The following NELL2 variants were observed in gnomAD, a reference collection of about 807,000 sequenced individuals.
The protein encoded by NELL2 is protein kinase C-binding protein NELL2.
NELL2 carries 41 observed loss-of-function variants against 109.6 expected under a neutral mutation model. That is an observed-to-expected ratio of 0.37 (90% CI 0.29 to 0.49). NELL2 has a LOEUF of 0.49. NELL2 is among the 20% of genes least tolerant of loss of function. The pLI is 0.98. For missense variants in NELL2, 900 were observed against 1,008.3 expected (o/e 0.89, Z 1.45); for synonymous variants, 355 against 344.7 (o/e 1.03, Z -0.33).
chr12:44,622,975 G>A lies in NELL2; in HGVS notation c.1445-12005C>T, dbSNP rs74908099. ...TATCTTTTGTGCAGTTTTATTTCAT[G>A]CTTCTGTGTTTATTGTGTTTCAGAC... On this transcript the variant is annotated intron_variant, in intron 13 of 19. Transcript: ENST00000429094. Among the ~76,000 whole-genome samples the A allele has an allele frequency of 5.9e-3, 905 of 152,144 alleles. 6 individuals are homozygous for A. The highest frequency in any genetic ancestry group is 9.4e-3 in the Non-Finnish European group (642 of 67,968).
At chr12:44,767,685 T>C (rs904294049) in intron 9 of NELL2, among the ~76,000 whole-genome samples, 1 of 152,170 alleles carries the variant, frequency 6.6e-6, no homozygotes, top group Non-Finnish European at 1.5e-5. Flanking sequence ...TGGGATAATA[T>C]GCAACTATTT....
chr12:44,738,042 C>G lies in NELL2; in HGVS notation c.995-23301G>C, dbSNP rs1007593315. ...ATGAAGTTCTAATTTACTCTGATTC[C>G]TTTGAGAAGCCCTCCCTGATTTCCC... On this transcript the variant is annotated intron_variant, in intron 9 of 19. Transcript: ENST00000429094. 3.5e-4 allele frequency among the ~76,000 whole-genome samples: 53 copies of G among 152,146 alleles called. 1 individual carries two copies. Among genetic ancestry groups the G allele is most frequent in the Non-Finnish European group, 1.0e-4 (7 of 68,000 alleles).
chr12:44,576,871 G>A (rs1944107060), intron 15 of NELL2, among the ~76,000 whole-genome samples: 1 of 150,250 alleles, frequency 6.7e-6, no homozygotes, highest in Non-Finnish European at 1.5e-5. Context: ...CAAAGGACAT[G>A]AACTCATCAT....
chr12:44,634,861 G>A (rs1162912432), intron 13 of NELL2, among the ~76,000 whole-genome samples: 1 of 151,978 alleles, frequency 6.6e-6, no homozygotes, highest in African/African-American at 2.4e-5. Context: ...TTATGGGTGA[G>A]AACATGCAGT....
intron 12 of NELL2, among the ~76,000 whole-genome samples, chr12:44,695,430 G>T (rs1453771877): frequency 6.6e-6 from 1 of 152,050 alleles, no homozygotes; most frequent in Non-Finnish European, 1.5e-5. Context: ...GGGCATACTG[G>T]CTCATGCCTG....
chr12:44,915,133 G>T, upstream of NELL2, among the ~76,000 whole-genome samples: 1 of 152,168 alleles, frequency 6.6e-6, no homozygotes, highest in East Asian at 1.9e-4. Context: ...TTACTGGCGT[G>T]AGCCACCGCG....
At chr12:44,808,633 T>C (rs1169734427) in intron 3 of NELL2, among the ~76,000 whole-genome samples, 1 of 152,028 alleles carries the variant, frequency 6.6e-6, no homozygotes, top group Non-Finnish European at 1.5e-5. Context: ...ATGAGTTTAG[T>C]AGCTTTTATG....
intron 15 of NELL2, among the ~76,000 whole-genome samples, chr12:44,581,917 A>T (rs1189441785): frequency 3.3e-5 from 5 of 152,234 alleles, no homozygotes. Flanking sequence ...AATTTTAAAA[A>T]TTCAAGTCAA....
chr12:44,780,691 A>G (rs1941926116), intron 3 of NELL2, among the ~76,000 whole-genome samples: 1 of 152,088 alleles, frequency 6.6e-6, no homozygotes, highest in South Asian at 2.1e-4. Flanking sequence ...GATAGTATCA[A>G]AGGAAGCCTA....
At chr12:44,531,685 T>C (rs1413058427) in intron 16 of NELL2, among the ~76,000 whole-genome samples, 1 of 152,230 alleles carries the variant, frequency 6.6e-6, no homozygotes, top group Non-Finnish European at 1.5e-5. Context: ...AAACATCTTA[T>C]CATTTAGGTG....
intron 1 of NELL2, among the ~76,000 whole-genome samples, chr12:44,920,639 C>A (rs1278210372): frequency 6.6e-6 from 1 of 152,148 alleles, no homozygotes; most frequent in Non-Finnish European, 1.5e-5. Context: ...ATGCACATAT[C>A]ACATAATAAA....
chr12:44,753,739 A>G (rs918173059), intron 9 of NELL2, among the ~76,000 whole-genome samples: 1 of 152,256 alleles, frequency 6.6e-6, no homozygotes, highest in Non-Finnish European at 1.5e-5. Context: ...GTACATAGAA[A>G]GCATTCTGTA....
In NELL2 at chr12:44,774,649, AT is replaced by A. The variant is rs888260429; in HGVS notation, c.994+97del. ...CTTTATTCCATCACTTCTGAAAGCT[AT>A]TTAGCTTGCCCAGATTAAACCAATG... On this transcript the variant is annotated intron_variant, in intron 9 of 19. Coordinates refer to ENST00000429094, the MANE Select transcript of NELL2 (RefSeq NM_001145108.2). The A allele has an allele frequency of 1.5e-5, 14 of 939,900 alleles. No homozygotes were observed. The African/African-American group carries it at 2.1e-4, about 14-fold the overall frequency. 58.2% of individuals were successfully genotyped at this position (939,900 alleles called of 1,614,324 possible). A position where few individuals can be genotyped will look rare whatever the true frequency, so the allele number is the denominator to read the frequency against.
At chr12:44,563,381 T>G (rs1665009438) in intron 15 of NELL2, among the ~76,000 whole-genome samples, 1 of 152,118 alleles carries the variant, frequency 6.6e-6, no homozygotes, top group African/African-American at 2.4e-5. Flanking sequence ...ATTTTTTTTC[T>G]TTTTCTCTTG....
chr12:44,685,135 G>C (rs1948670289), intron 12 of NELL2, among the ~76,000 whole-genome samples: 1 of 152,188 alleles, frequency 6.6e-6, no homozygotes, highest in African/African-American at 2.4e-5. Flanking sequence ...AGGATAGTTA[G>C]TTCTTCTTGT....
chr12:44,636,738 A>T (rs1292087031), intron 13 of NELL2, among the ~76,000 whole-genome samples: 1 of 152,012 alleles, frequency 6.6e-6, no homozygotes, highest in Non-Finnish European at 1.5e-5. Context: ...ATTGGTCTGA[A>T]ATTTTCTTTT....
At chr12:44,624,994 GT>G (rs1946191411) in intron 13 of NELL2, among the ~76,000 whole-genome samples, 1 of 118,702 alleles carries the variant, frequency 8.4e-6, no homozygotes, top group Admixed American at 9.5e-5. Flanking sequence ...ATATATGTGT[GT>G]GTATATATAT....
At chr12:44,517,965 G>T (rs1592056908) in intron 19 of NELL2, among the ~76,000 whole-genome samples, 1 of 152,208 alleles carries the variant, frequency 6.6e-6, no homozygotes, top group East Asian at 1.9e-4. Context: ...CTTGAAGCTT[G>T]TTTTGCATAA....
chr12:44,791,166 C>T lies in NELL2; in HGVS notation c.336-11144G>A, dbSNP rs866717149. On this transcript the variant is annotated intron_variant, in intron 3 of 19. Transcript: ENST00000429094. ...GCACACACATACACACACACACACA[C>T]ATATATAGTATTCCATCATATATAT... 7.5e-3 allele frequency among the ~76,000 whole-genome samples: 606 copies of T among 80,870 alleles called. 53 individuals are homozygous for T. The highest frequency in any genetic ancestry group is 0.029 in the African/African-American group (569 of 19,888). 53.1% of individuals were successfully genotyped at this position (80,870 alleles called of 152,430 possible).
Sources: gnomAD v4.1 joint callset for allele counts (sites outside exome capture counted in the v4.1 genomes callset) on GRCh38, gnomAD v4.1.1 for gene constraint, MANE v1.5 for transcripts, NCBI Gene and HGNC (gene_info 2026-07-23, HGNC 2026-07-21) for gene names.